Variants in NFIB observed in about 807,000 individuals in gnomAD.
NFIB encodes nuclear factor 1 B-type.
Under a neutral mutation model 61.5 loss-of-function variants are expected in NFIB, and 11 were observed. That is an observed-to-expected ratio of 0.18 (90% confidence interval 0.11 to 0.30). NFIB has a LOEUF of 0.30. Ranked by LOEUF, NFIB falls within the 10% of genes least tolerant of loss-of-function variation. The probability of loss-of-function intolerance (pLI) is 1.00; values close to 1 mark genes in which losing one functional copy is unlikely to be tolerated. For synonymous variants in NFIB, 260 were observed against 216.5 expected, an observed-to-expected ratio of 1.20 and a Z score of -1.76; for missense variants, 471 against 608.9, an observed-to-expected ratio of 0.77 and a Z score of 2.38.
intron 10 of NFIB, among the ~76,000 whole-genome samples, chr9:14,107,929 T>G (rs975036531): frequency 1.3e-5 from 2 of 152,174 alleles, no homozygotes; most frequent in African/African-American, 4.8e-5. Context: ...AATTTTACTT[T>G]TACATTAATT....
intron 1 of NFIB, among the ~76,000 whole-genome samples, chr9:14,344,897 G>A (rs769680350): frequency 2.0e-5 from 3 of 152,158 alleles, no homozygotes; most frequent in East Asian, 1.9e-4. Flanking sequence ...ACAATCTTGA[G>A]GGTTTAAATA....
At chr9:14,290,567 A>C (rs1563980533) in intron 2 of NFIB, among the ~76,000 whole-genome samples, 1 of 152,096 alleles carries the variant, frequency 6.6e-6, no homozygotes, top group Non-Finnish European at 1.5e-5. Context: ...TATAAAACAA[A>C]CATTAAAACT....
intron 2 of NFIB, among the ~76,000 whole-genome samples, chr9:14,279,947 A>T (rs2058259841): frequency 6.6e-6 from 1 of 152,188 alleles, no homozygotes; most frequent in Non-Finnish European, 1.5e-5. Context: ...ACACAATGAC[A>T]ACACAACCAG....
At chr9:14,390,721 GTTC>G (rs1564053356) in intron 1 of NFIB, among the ~76,000 whole-genome samples, 1 of 152,194 alleles carries the variant, frequency 6.6e-6, no homozygotes, top group East Asian at 1.9e-4. Context: ...AGCTCCCTCG[GTTC>G]TTCTTCTATG....
chr9:14,329,384 G>A (rs574781799), intron 1 of NFIB, among the ~76,000 whole-genome samples: 112 of 152,084 alleles, frequency 7.4e-4, no homozygotes, highest in Non-Finnish European at 1.4e-3. Context: ...AGACTGAAAT[G>A]TCCCAGGATA....
chr9:14,266,699 T>C (rs1344955155), intron 2 of NFIB, among the ~76,000 whole-genome samples: 2 of 152,136 alleles, frequency 1.3e-5, no homozygotes. Context: ...CAGCATTGAT[T>C]CAGTGATGCA....
At chr9:14,216,278 C>A (rs1793164142) in intron 2 of NFIB, among the ~76,000 whole-genome samples, 2 of 152,080 alleles carry the variant, frequency 1.3e-5, no homozygotes, top group African/African-American at 4.8e-5. Context: ...TACAATTTGG[C>A]ACTCAGGCTG....
chr9:14,084,585 G>T lies in NFIB; in HGVS notation c.*3724C>A. ...GGGTAACACGCTTCAGAGGCACTGT[G>T]AGTGGTGGGTGGCAGGGCAGCACAC... On this transcript the variant is annotated 3_prime_UTR_variant, in exon 11 of 11. Coordinates refer to ENST00000380953, the MANE Select transcript of NFIB (RefSeq NM_001190737.2). 4.4e-6 allele frequency: 1 copy of T among 228,718 alleles called. No homozygotes were observed. The highest frequency in any genetic ancestry group is 5.7e-5 in the Admixed American group (1 of 17,614). 14.2% of individuals were successfully genotyped at this position (228,718 alleles called of 1,614,324 possible).
At chr9:14,451,701 A>G in the NFIB span, among the ~76,000 whole-genome samples, 1 of 152,210 alleles carries the variant, frequency 6.6e-6, no homozygotes. Context: ...CAGTAACTTA[A>G]GAGGGCTTTA....
At chr9:14,440,061 C>G in the NFIB span, among the ~76,000 whole-genome samples, 1 of 152,276 alleles carries the variant, frequency 6.6e-6, no homozygotes, top group East Asian at 1.9e-4. Context: ...ATTTGGCTCA[C>G]CAGGTGGACC....
At chr9:14,507,315 T>G in the NFIB span, among the ~76,000 whole-genome samples, 1 of 152,242 alleles carries the variant, frequency 6.6e-6, no homozygotes, top group African/African-American at 2.4e-5. Flanking sequence ...TTTTTATTTT[T>G]GCATAAGTGG....
intron 2 of NFIB, among the ~76,000 whole-genome samples, chr9:14,277,921 G>A (rs2058110024): frequency 6.6e-6 from 1 of 152,110 alleles, no homozygotes; most frequent in Admixed American, 6.6e-5. Flanking sequence ...AAATTACCAT[G>A]CACAACAGTA....
intron 2 of NFIB, among the ~76,000 whole-genome samples, chr9:14,184,585 A>T (rs922619099): frequency 6.6e-6 from 1 of 152,194 alleles, no homozygotes; most frequent in African/African-American, 2.4e-5. Context: ...TTAAATATAT[A>T]TGACAATAAA....
chr9:14,506,135 G>C, the NFIB span, among the ~76,000 whole-genome samples: 1 of 152,278 alleles, frequency 6.6e-6, no homozygotes, highest in African/African-American at 2.4e-5. Context: ...TAAAATGTTT[G>C]AAATTTGGTG....
chr9:14,327,031 G>T (rs1424825569), intron 1 of NFIB, among the ~76,000 whole-genome samples: 1 of 152,116 alleles, frequency 6.6e-6, no homozygotes, highest in East Asian at 1.9e-4. Flanking sequence ...AAAAAAGCAA[G>T]TGTTTTCTGC....
the NFIB span, among the ~76,000 whole-genome samples, chr9:14,488,340 A>C: frequency 6.6e-6 from 1 of 151,222 alleles, no homozygotes; most frequent in Non-Finnish European, 1.5e-5. Context: ...TTCAATCTGG[A>C]CAACAGAGCA....
intron 9 of NFIB, 21 bp downstream of exon 9, chr9:14,116,187 C>A (rs763701263): frequency 3.0e-4 from 451 of 1,485,330 alleles, no homozygotes; most frequent in Non-Finnish European, 3.8e-4. Context: ...TTACTGGTTG[C>A]TGTAGGTGAA....
the NFIB span, among the ~76,000 whole-genome samples, chr9:14,454,763 C>G: frequency 6.6e-6 from 1 of 152,176 alleles, no homozygotes; most frequent in Non-Finnish European, 1.5e-5. Context: ...TGTTATAGTA[C>G]CAGTCCCAAA....
chr9:14,142,860 TA>T (rs1288734653), intron 6 of NFIB, among the ~76,000 whole-genome samples: 4 of 152,144 alleles, frequency 2.6e-5, no homozygotes, highest in African/African-American at 9.7e-5. Flanking sequence ...CAGAAGAGAC[TA>T]AGCAAGGAGA....
Sources: allele counts gnomAD v4.1 joint callset (sites outside exome capture counted in the v4.1 genomes callset), GRCh38; gene constraint gnomAD v4.1.1; transcripts MANE v1.5; gene names NCBI Gene and HGNC (gene_info 2026-07-23, HGNC 2026-07-21).